Variants in FAM117B observed in about 807,000 individuals in gnomAD.
FAM117B encodes family with sequence similarity 117 member B.
A neutral mutation model predicts 52.8 loss-of-function variants in FAM117B; 22 were observed. That is an observed-to-expected ratio of 0.42 (90% CI 0.30 to 0.59). The LOEUF (loss-of-function observed/expected upper bound fraction) is 0.59. Ranked by LOEUF, FAM117B falls within the 20% of genes least tolerant of loss-of-function variation. The pLI is 0.22. For synonymous variants in FAM117B, 309 were observed against 324.1 expected (o/e 0.95, Z 0.50); for missense variants, 678 against 802.6 (o/e 0.84, Z 1.88).
At chr2:202,678,002 AGTT>A in intron 1 of FAM117B, among the ~76,000 whole-genome samples, 1 of 152,270 alleles carries the variant, frequency 6.6e-6, no homozygotes, top group East Asian at 1.9e-4. Context: ...AAAGCAAAAG[AGTT>A]GTTTGTAGTT....
chr2:202,726,980 T>G (rs1240019943), intron 4 of FAM117B, among the ~76,000 whole-genome samples: 2 of 152,210 alleles, frequency 1.3e-5, no homozygotes, highest in African/African-American at 4.8e-5. Flanking sequence ...AGAAGTCTTT[T>G]GATAGAGACA....
chr2:202,714,497 G>A lies in FAM117B; in HGVS notation c.754-10420G>A, dbSNP rs78888930. Among the ~76,000 whole-genome samples the A allele has an allele frequency of 1.7e-3, 248 of 147,798 alleles. 5 individuals are homozygous for A. In the East Asian group the frequency reaches 0.041, roughly 25 times the overall value. On this transcript the variant is annotated intron_variant, in intron 2 of 7. Transcript: ENST00000392238. ...ATATTTGTGTGCTCCAGTGTTGGGT[G>A]CATATATATTTACAGTTGTTATATC...
Position 202,637,670 on chromosome 2 carries a change from T to C in FAM117B, c.601+1882T>C, listed in dbSNP as rs140072990. Among the ~76,000 whole-genome samples, 4 of 152,304 alleles carry C rather than the reference T, an allele frequency of 2.6e-5. No homozygotes were observed. The East Asian group carries it at 7.7e-4, about 29-fold the overall frequency. Reference sequence around the variant, plus strand: ...CTCTTACTATTTGGCAGGTGGTTTTTATGCAAAATCTCATTTAACCCTCAC... The same window carrying C: ...CTCTTACTATTTGGCAGGTGGTTTTCATGCAAAATCTCATTTAACCCTCAC... On this transcript the variant is annotated intron_variant, in intron 1 of 7. Coordinates refer to ENST00000392238, the MANE Select transcript of FAM117B (RefSeq NM_173511.4).
At chr2:202,638,045 T>C (rs1689714167) in intron 1 of FAM117B, among the ~76,000 whole-genome samples, 1 of 152,050 alleles carries the variant, frequency 6.6e-6, no homozygotes, top group South Asian at 2.1e-4. Flanking sequence ...CCTGGCTAAT[T>C]TTGTGTTTTT....
intron 4 of FAM117B, among the ~76,000 whole-genome samples, chr2:202,745,672 A>G (rs1691620393): frequency 6.6e-6 from 1 of 152,232 alleles, no homozygotes; most frequent in South Asian, 2.1e-4. Context: ...GGGTAATAAA[A>G]TAAGAACCAT....
intron 1 of FAM117B, among the ~76,000 whole-genome samples, chr2:202,651,829 G>A (rs150845996): frequency 0.023 from 3,424 of 151,978 alleles, 122 homozygotes; most frequent in African/African-American, 0.077. Flanking sequence ...TGAGGCAGGC[G>A]GATCACCTGA....
intron 7 of FAM117B, among the ~76,000 whole-genome samples, chr2:202,760,727 C>A (rs1166241953): frequency 6.6e-6 from 1 of 152,090 alleles, no homozygotes; most frequent in East Asian, 1.9e-4. Flanking sequence ...TATTTGAATT[C>A]TAGGATATTG....
At chr2:202,726,181 T>C in intron 3 of FAM117B, 69 bp from the exon 4 acceptor site, 1 of 1,015,844 alleles carries the variant, frequency 9.8e-7, no homozygotes, top group South Asian at 1.4e-5. Flanking sequence ...CTGGTTCTTA[T>C]TAAGCAAGGA....
chr2:202,687,082 A>G (rs1005501501), intron 1 of FAM117B, among the ~76,000 whole-genome samples: 6 of 152,164 alleles, frequency 3.9e-5, no homozygotes, highest in African/African-American at 1.4e-4. Flanking sequence ...TTACCACCAC[A>G]TATATTCATA....
rs147195826 is a variant in FAM117B at position 202,673,990 on chromosome 2, C to G, written c.602-21891C>G. Among the ~76,000 whole-genome samples, 625 of 152,200 alleles carry G rather than the reference C, an allele frequency of 4.1e-3. 3 individuals carry two copies. Among genetic ancestry groups the G allele is most frequent in the Non-Finnish European group, 6.4e-3 (436 of 68,014 alleles). On this transcript the variant is annotated intron_variant, in intron 1 of 7. Transcript: ENST00000392238. Reference sequence around the variant, plus strand: ...TGAGGCAGCTTCTTTTCAAACTTCTCTTTCTTTTCAGGTACCTGAAATGTT... The same window carrying G: ...TGAGGCAGCTTCTTTTCAAACTTCTGTTTCTTTTCAGGTACCTGAAATGTT...
rs1553520259 is a variant in FAM117B at position 202,691,659 on chromosome 2, G to GTGTGTGTA, written c.602-4215_602-4214insATGTGTGT. 7.8e-5 allele frequency among the ~76,000 whole-genome samples: 11 copies of GTGTGTGTA among 141,340 alleles called. No individual in the cohort carries two copies. The South Asian group carries it at 1.8e-3, about 24-fold the overall frequency. The allele number at this position is 141,340 out of a possible 152,430, so 92.7% of individuals were successfully genotyped here. On this transcript the variant is annotated intron_variant, in intron 1 of 7. Coordinates refer to ENST00000392238, the MANE Select transcript of FAM117B (RefSeq NM_173511.4). ...ATATACCAGTTTACATTGTGTGTGTGTGTGTGTGTGTGTGTGTGTGTGTGT... is the reference window on the plus strand; with the variant it reads ...ATATACCAGTTTACATTGTGTGTGTGTGTGTGTATGTGTGTGTGTGTGTGTGTGTGTGT...
intron 1 of FAM117B, among the ~76,000 whole-genome samples, chr2:202,659,880 A>C (rs1690104158): frequency 6.6e-6 from 1 of 151,536 alleles, no homozygotes; most frequent in South Asian, 2.1e-4. Context: ...CGGCCTCCCA[A>C]AGTGCTGGGA....
At chr2:202,733,753 A>G (rs1001345174) in intron 4 of FAM117B, among the ~76,000 whole-genome samples, 1 of 152,198 alleles carries the variant, frequency 6.6e-6, no homozygotes, top group East Asian at 1.9e-4. Flanking sequence ...TTGTTCACCC[A>G]TGTTTTACAA....
intron 2 of FAM117B, among the ~76,000 whole-genome samples, chr2:202,715,490 C>T (rs1204883404): frequency 6.6e-6 from 1 of 150,588 alleles, no homozygotes; most frequent in Non-Finnish European, 1.5e-5. Flanking sequence ...GACAGGGTGG[C>T]GGGGCAGAGG....
chr2:202,649,000 C>T (rs781218885), intron 1 of FAM117B, among the ~76,000 whole-genome samples: 13 of 147,418 alleles, frequency 8.8e-5, no homozygotes, highest in African/African-American at 2.2e-4. Context: ...GCGTTCTGCC[C>T]GCCTCAGCCT....
At chr2:202,737,530 G>A (rs1343155191) in intron 4 of FAM117B, among the ~76,000 whole-genome samples, 3 of 151,934 alleles carry the variant, frequency 2.0e-5, no homozygotes, top group Admixed American at 6.6e-5. Context: ...GTATGTAATC[G>A]TTTGAGACTG....
At chr2:202,750,800 G>A in intron 4 of FAM117B, among the ~76,000 whole-genome samples, 1 of 152,142 alleles carries the variant, frequency 6.6e-6, no homozygotes, top group Admixed American at 6.5e-5. Context: ...GATATTTTGG[G>A]GAAATAGTCT....
chr2:202,680,464 T>G (rs754115230), intron 1 of FAM117B, among the ~76,000 whole-genome samples: 1 of 152,158 alleles, frequency 6.6e-6, no homozygotes, highest in Non-Finnish European at 1.5e-5. Flanking sequence ...TTCCTGACTT[T>G]ATAAAAACTA....
chr2:202,765,429 G>A lies in FAM117B; in HGVS notation c.1452-17G>A, dbSNP rs1270363851. 9 of 1,592,650 alleles carry A rather than the reference G, an allele frequency of 5.7e-6. No homozygotes were observed. The East Asian group carries it at 9.0e-5, about 16-fold the overall frequency. ...TTCAGTGACTTAAAAGCATTGGGTT[G>A]TCTGTTCTATGTCTAGGCCAAAACA... is the stretch of plus-strand genomic sequence containing the variant. On this transcript the variant is annotated splice_polypyrimidine_tract_variant and intron_variant, in intron 7 of 7. Coordinates refer to ENST00000392238, the MANE Select transcript of FAM117B (RefSeq NM_173511.4).
Sources: gnomAD v4.1 joint callset for allele counts (sites outside exome capture counted in the v4.1 genomes callset) on GRCh38, gnomAD v4.1.1 for gene constraint, MANE v1.5 for transcripts, NCBI Gene and HGNC (gene_info 2026-07-23, HGNC 2026-07-21) for gene names.